Variants in GSE1 observed in about 807,000 individuals in gnomAD.
GSE1 encodes the protein genetic suppressor element 1.
Under a neutral mutation model 112.6 loss-of-function variants are expected in GSE1, and 32 were observed. That is an observed-to-expected ratio of 0.28 (90% CI 0.21 to 0.38). The LOEUF (loss-of-function observed/expected upper bound fraction) is 0.38. Among genes scored for constraint, GSE1 ranks in the 10% least tolerant of loss-of-function variants. The probability of loss-of-function intolerance (pLI) is 1.00; values close to 1 mark genes in which losing one functional copy is unlikely to be tolerated. For missense variants in GSE1, 2,348 were observed against 1,699.2 expected (o/e 1.38, Z -6.71); for synonymous variants, 1,115 against 735.6 (o/e 1.52, Z -8.35).
At chr16:85,394,347 G>C (rs1250768602) in intron 2 of GSE1, among the ~76,000 whole-genome samples, 1 of 152,224 alleles carries the variant, frequency 6.6e-6, no homozygotes, top group African/African-American at 2.4e-5. Context: ...CGGCCCCGCT[G>C]GACGCTGCTC....
At chr16:85,183,437 G>A (rs1426225890) in intron 1 of GSE1, among the ~76,000 whole-genome samples, 1 of 152,176 alleles carries the variant, frequency 6.6e-6, no homozygotes, top group African/African-American at 2.4e-5. Flanking sequence ...GGGAGGAAAG[G>A]TACAGGGTGG....
chr16:85,321,070 CT>C (rs2046097563), intron 1 of GSE1, among the ~76,000 whole-genome samples: 1 of 152,364 alleles, frequency 6.6e-6, no homozygotes, highest in East Asian at 1.9e-4. Flanking sequence ...CTGTGTACCC[CT>C]GGCCCTCTAT....
chr16:85,395,158 G>T (rs1018669660), intron 2 of GSE1, among the ~76,000 whole-genome samples: 1 of 152,112 alleles, frequency 6.6e-6, no homozygotes, highest in African/African-American at 2.4e-5. Flanking sequence ...GCAAGCTGGG[G>T]TAGGCCTTGC....
At chr16:85,188,936 A>G (rs760834018) in intron 1 of GSE1, among the ~76,000 whole-genome samples, 6 of 152,080 alleles carry the variant, frequency 3.9e-5, no homozygotes, top group Non-Finnish European at 5.9e-5. Context: ...GCATATGTGC[A>G]TTTTCTGGAG....
At chr16:85,667,761 A>AG (rs1314760835) in intron 13 of GSE1, among the ~76,000 whole-genome samples, 1 of 152,208 alleles carries the variant, frequency 6.6e-6, no homozygotes, top group Admixed American at 6.5e-5. Context: ...CCGGAGGCTG[A>AG]GGCAGGAGAA....
chr16:85,379,715 C>T (rs1352074099), intron 2 of GSE1, among the ~76,000 whole-genome samples: 3 of 152,198 alleles, frequency 2.0e-5, no homozygotes, highest in Admixed American at 1.3e-4. Context: ...CCAGGAGTCC[C>T]GGAGTCCCCT....
At chr16:85,185,734 C>T (rs896889163) in intron 1 of GSE1, among the ~76,000 whole-genome samples, 3 of 152,258 alleles carry the variant, frequency 2.0e-5, no homozygotes, top group African/African-American at 7.2e-5. Context: ...AAATCCACTT[C>T]CTGGTGCTTC....
In GSE1 at chr16:85,669,134, C is replaced by T. The variant is rs529834868; in HGVS notation, c.3415+710C>T. Among the ~76,000 whole-genome samples, 5 of 152,376 alleles carry T rather than the reference C, an allele frequency of 3.3e-5. No individual in the cohort carries two copies. In the East Asian group the frequency reaches 9.6e-4, roughly 29 times the overall value. On this transcript the variant is annotated intron_variant, in intron 14 of 15. Coordinates refer to ENST00000253458, the MANE Select transcript of GSE1 (RefSeq NM_014615.5). ...CTGCACACCACCTTCTGCCTCTGTGCCTCAGTTTCCCTAGGATATTGCACA... is the reference window on the plus strand; with the variant it reads ...CTGCACACCACCTTCTGCCTCTGTGTCTCAGTTTCCCTAGGATATTGCACA...
At chr16:85,660,220 C>T (rs1429213821) in intron 8 of GSE1, among the ~76,000 whole-genome samples, 1 of 152,216 alleles carries the variant, frequency 6.6e-6, no homozygotes, top group Non-Finnish European at 1.5e-5. Context: ...GGAATTCACG[C>T]AAGCAGGTGG....
intron 1 of GSE1, among the ~76,000 whole-genome samples, chr16:85,270,640 T>A (rs532913756): frequency 1.3e-5 from 2 of 148,990 alleles, no homozygotes; most frequent in Non-Finnish European, 3.0e-5. Flanking sequence ...GCTGCTTTGT[T>A]AATGCTCTGT....
At chr16:85,425,007 G>A (rs2048935904) in intron 2 of GSE1, among the ~76,000 whole-genome samples, 2 of 152,266 alleles carry the variant, frequency 1.3e-5, no homozygotes, top group Non-Finnish European at 1.5e-5. Flanking sequence ...CAGGCAGAGG[G>A]CCAGGGTGGA....
At chr16:85,667,949 C>G (rs1414719729) in intron 13 of GSE1, among the ~76,000 whole-genome samples, 191 bp from the exon 14 acceptor site, 1 of 93,560 alleles carries the variant, frequency 1.1e-5, no homozygotes, top group East Asian at 5.2e-4. Context: ...TGTCTCCTGG[C>G]TGTCTCGGAC....
intron 1 of GSE1, among the ~76,000 whole-genome samples, chr16:85,578,784 C>T (rs987107198): frequency 6.6e-6 from 1 of 152,208 alleles, no homozygotes; most frequent in Admixed American, 6.5e-5. Flanking sequence ...CTCTCTTGCT[C>T]ATTCAGGCCT....
intron 2 of GSE1, among the ~76,000 whole-genome samples, chr16:85,635,941 G>GC (rs5818546): frequency 0.23 from 34,925 of 152,246 alleles, 4,128 homozygotes; most frequent in Non-Finnish European, 0.27. Context: ...GCAGGAGCCT[G>GC]CTCACAGGGC....
intron 2 of GSE1, among the ~76,000 whole-genome samples, chr16:85,400,328 T>C (rs1437935031): frequency 6.6e-6 from 1 of 151,868 alleles, no homozygotes; most frequent in Non-Finnish European, 1.5e-5. Context: ...TGTGTGATTA[T>C]ATGTCTGTGT....
chr16:85,287,241 G>A (rs1264518087), intron 1 of GSE1, among the ~76,000 whole-genome samples: 1 of 152,226 alleles, frequency 6.6e-6, no homozygotes, highest in African/African-American at 2.4e-5. Context: ...ACCACTTGGT[G>A]GGGCTTGGAG....
At chr16:85,532,398 C>T (rs1264216593) in intron 2 of GSE1, among the ~76,000 whole-genome samples, 1 of 152,150 alleles carries the variant, frequency 6.6e-6, no homozygotes, top group African/African-American at 2.4e-5. Flanking sequence ...GTAGCTGGAA[C>T]CACAAGCATA....
At chr16:85,606,688 T>C (rs1397897078), upstream of GSE1, among the ~76,000 whole-genome samples, 1 of 152,232 alleles carries the variant, frequency 6.6e-6, no homozygotes, top group Non-Finnish European at 1.5e-5. Context: ...GGCTTGCCTG[T>C]GGCAGCCCAA....
chr16:85,193,544 C>T (rs1313652975), intron 1 of GSE1, among the ~76,000 whole-genome samples: 2 of 152,138 alleles, frequency 1.3e-5, no homozygotes, highest in Non-Finnish European at 2.9e-5. Context: ...ACTGCAACCT[C>T]CGCCTCCCGG....
Sources: gnomAD v4.1 joint callset for allele counts (sites outside exome capture counted in the v4.1 genomes callset) on GRCh38, gnomAD v4.1.1 for gene constraint, MANE v1.5 for transcripts, NCBI Gene and HGNC (gene_info 2026-07-23, HGNC 2026-07-21) for gene names.